The following PGAP6 variants were observed in gnomAD, a reference collection of about 807,000 sequenced individuals.
PGAP6 encodes the protein post-GPI attachment to proteins 6, also known as post-GPI attachment to proteins factor 6.
In PGAP6, 62 loss-of-function variants were observed where a neutral mutation model predicts 68.4. The ratio of observed to expected loss-of-function variants is 0.91; its 90% confidence interval spans 0.74 to 1.12. The LOEUF (loss-of-function observed/expected upper bound fraction) is 1.12, where lower values mean the gene tolerates loss of function less well. PGAP6 is among the 50% of genes most tolerant of loss of function. The pLI is 0.00. For missense variants in PGAP6, 1,188 were observed against 1,068.5 expected, an observed-to-expected ratio of 1.11 and a Z score of -1.56; for synonymous variants, 575 against 474.0, an observed-to-expected ratio of 1.21 and a Z score of -2.77.
chr16:385,691 C>G (rs2054479661), upstream of PGAP6, among the ~76,000 whole-genome samples: 1 of 126,352 alleles, frequency 7.9e-6, no homozygotes, highest in African/African-American at 3.1e-5. Context: ...GTGGCGCGAT[C>G]CTGGCTCACT....
chr16:386,291 A>G (rs1597171498), upstream of PGAP6, among the ~76,000 whole-genome samples: 1 of 151,372 alleles, frequency 6.6e-6, no homozygotes, highest in Non-Finnish European at 1.5e-5. Context: ...CACCCTGTGC[A>G]CCTCCTGCAA....
In PGAP6 at chr16:374,331, G is replaced by C; in HGVS notation, c.1645C>G (p.Leu549Val). 1 of 1,604,392 alleles carries C rather than the reference G, an allele frequency of 6.2e-7. No individual in the cohort carries two copies. Among genetic ancestry groups the C allele is most frequent in the South Asian group, 1.1e-5 (1 of 91,022 alleles). The change falls in exon 10 of 13, where the codon CTG becomes GTG. Residue 549 changes from leucine to valine, a missense_variant. Transcript: ENST00000431232. ...ATGAGGTTGCTGAGCGTGAGCAGCAGTGTGGCCGCCCTCTGCTGGGCCACC... is the reference window on the plus strand; with the variant it reads ...ATGAGGTTGCTGAGCGTGAGCAGCACTGTGGCCGCCCTCTGCTGGGCCACC... ...QTVAQQRAAT[L>V]LLTLSNLMFL...
intron 6 of PGAP6, 54 bp from the exon 7 acceptor site, chr16:375,489 G>A: frequency 2.7e-6 from 4 of 1,507,974 alleles, no homozygotes; most frequent in Non-Finnish European, 3.7e-6. Context: ...CCGCAGTGGG[G>A]TCATCTGCCC....
At chr16:378,396 CG>C (rs2054409956) in intron 1 of PGAP6, among the ~76,000 whole-genome samples, 1 of 121,824 alleles carries the variant, frequency 8.2e-6, no homozygotes, top group African/African-American at 3.4e-5. Context: ...TGACTGCCAT[CG>C]CCACCCGCAC....
At chr16:382,030 T>A, upstream of PGAP6, 5 of 741,466 alleles carry the variant, frequency 6.7e-6, no homozygotes, top group Non-Finnish European at 8.4e-6. Flanking sequence ...GAGGGCGGGG[T>A]CGGGGGGCGG....
rs2141755992 is a variant in PGAP6, at chr16:372,724, G to A, written c.1906C>T (p.Leu636=). The change falls in exon 12 of 13, where the codon CTG becomes TTG. Residue 636 remains leucine (L), a synonymous_variant. Transcript: ENST00000431232. ...ATGACCAGTGTACCCAGAAGAAACA[G>A]CACCTGCGCAAGACACAGGGATGAC... ...ARLKTVLKYV[L]FLLGTLVIAM... is the part of the protein sequence containing the mutation. The A allele has an allele frequency of 3.1e-6, 5 of 1,607,898 alleles. No individual in the cohort carries two copies. The highest frequency in any genetic ancestry group is 4.5e-5 in the East Asian group (2 of 44,788).
Position 377,687 on chromosome 16 carries a change from C to T in PGAP6, c.283G>A (p.Asp95Asn), listed in dbSNP as rs141378431. ...GCCACCTACACGGTGATCTCCGCGT[C>T]GGTGCAGGCAGCGCCGCTCTCCCGG... is the stretch of plus-strand genomic sequence containing the variant. ...VSRESGAACT[D>N]AEITVHFRSG... Residue 95 changes from aspartate (D) to asparagine (N), a missense_variant, in exon 2 of 13, where the codon GAC becomes AAC. Coordinates refer to ENST00000431232, the MANE Select transcript of PGAP6 (RefSeq NM_021259.3). The T allele has an allele frequency of 3.2e-5, 51 of 1,587,884 alleles. No homozygotes were observed. Among genetic ancestry groups the T allele is most frequent in the African/African-American group, 1.3e-4 (10 of 74,410 alleles).
chr16:377,013 G>C (rs763140), intron 4 of PGAP6, 24 bp downstream of exon 4: 769,671 of 1,610,622 alleles, frequency 0.48, 187,484 homozygotes, highest in South Asian at 0.66. Context: ...GCAGAGCCGG[G>C]CTGCCCCCCA....
intron 1 of PGAP6, among the ~76,000 whole-genome samples, chr16:381,173 T>A (rs2141767320): frequency 6.6e-6 from 1 of 150,698 alleles, no homozygotes; most frequent in Admixed American, 6.6e-5. Context: ...CAGCTGGGAG[T>A]CCCTCCTCCC....
Position 374,897 on chromosome 16 carries a change from G to C in PGAP6, c.1440-5C>G. 1 of 1,612,708 alleles carries C rather than the reference G, an allele frequency of 6.2e-7. No individual in the cohort carries two copies. Among genetic ancestry groups the C allele is most frequent in the South Asian group, 1.1e-5 (1 of 91,060 alleles). ...ACCACAGCCTGCTCACAGTCCCTTT[G>C]AGGAAGGGGCCACAGGAAAGCTGGT... On this transcript the variant is annotated splice_polypyrimidine_tract_variant and splice_region_variant and intron_variant, in intron 8 of 12. Transcript: ENST00000431232.
At chr16:382,287 G>A (rs551648709), upstream of PGAP6, 820 of 392,394 alleles carry the variant, frequency 2.1e-3, 11 homozygotes, top group East Asian at 0.022. Context: ...GGTTCGCTGA[G>A]TCCCAGCTCC....
upstream of PGAP6, among the ~76,000 whole-genome samples, chr16:384,875 C>T (rs565696664): frequency 8.8e-4 from 121 of 137,380 alleles, no homozygotes; most frequent in Non-Finnish European, 1.3e-3. Flanking sequence ...AAAAAAGTAA[C>T]GGAGAGGCCG....
At chr16:374,435 C>T in intron 9 of PGAP6, 36 bp from the exon 10 acceptor site, 1 of 1,521,126 alleles carries the variant, frequency 6.6e-7, no homozygotes, top group Non-Finnish European at 8.8e-7. Flanking sequence ...AGGCTGGGGG[C>T]ACTGCTGAAC....
rs1297841380 is a variant in PGAP6, at chr16:378,312, CCGCA to C, written c.122-468_122-465del. Among the ~76,000 whole-genome samples the C allele has an allele frequency of 3.3e-4, 48 of 145,674 alleles. 1 individual carries two copies. The highest frequency in any genetic ancestry group is 4.7e-4 in the Admixed American group (7 of 14,832). On this transcript the variant is annotated intron_variant, in intron 1 of 12. Coordinates refer to ENST00000431232, the MANE Select transcript of PGAP6 (RefSeq NM_021259.3). Reference sequence around the variant, plus strand: ...TCGCCACCCGCACTGCCATCGCCACCCGCACTGCCATCGCCACCCGCACTGCCAT... The same window carrying C: ...TCGCCACCCGCACTGCCATCGCCACCCTGCCATCGCCACCCGCACTGCCAT...
At position 374,438 on chromosome 16, in the gene PGAP6, T is replaced by C. The variant is rs1437923299; in HGVS notation, c.1577-39A>G. On this transcript the variant is annotated intron_variant, in intron 9 of 12. Transcript: ENST00000431232. ...ACCCCGACGCGGAGGCTGGGGGCAC[T>C]GCTGAACCTCAGGGCCCACCCCTCA... The C allele has an allele frequency of 6.6e-6, 10 of 1,519,170 alleles. No individual in the cohort carries two copies. The East Asian group carries it at 1.8e-4, about 28-fold the overall frequency. The allele number at this position is 1,519,170 out of a possible 1,614,324, so 94.1% of individuals were successfully genotyped here.
intron 4 of PGAP6, 40 bp from the exon 5 acceptor site, chr16:376,852 C>G: frequency 6.3e-7 from 1 of 1,597,514 alleles, no homozygotes; most frequent in Non-Finnish European, 8.5e-7. Flanking sequence ...CTCTGCCATT[C>G]CTCAGCCCAG....
At chr16:380,236 C>T (rs908449640) in intron 1 of PGAP6, among the ~76,000 whole-genome samples, 2 of 152,192 alleles carry the variant, frequency 1.3e-5, no homozygotes, top group Admixed American at 1.3e-4. Context: ...TTTGGTATTT[C>T]TGAGGGTCTC....
At chr16:379,333 C>G (rs535216010) in intron 1 of PGAP6, among the ~76,000 whole-genome samples, 3 of 152,336 alleles carry the variant, frequency 2.0e-5, no homozygotes, top group South Asian at 2.1e-4. Context: ...ATACACCTGC[C>G]AATAGCAGCC....
At chr16:374,552 AC>A (rs2054363853) in intron 9 of PGAP6, among the ~76,000 whole-genome samples, 153 bp from the exon 10 acceptor site, 1 of 151,668 alleles carries the variant, frequency 6.6e-6, no homozygotes, top group Admixed American at 6.6e-5. Context: ...AGGCAGTACC[AC>A]CCCCCGGGGA....
Sources: gnomAD v4.1 joint callset for allele counts (sites outside exome capture counted in the v4.1 genomes callset) on GRCh38, gnomAD v4.1.1 for gene constraint, MANE v1.5 for transcripts, NCBI Gene and HGNC (gene_info 2026-07-23, HGNC 2026-07-21) for gene names.